PSMD14: variants seen among roughly 807,000 people sequenced by gnomAD.
The protein encoded by PSMD14 is proteasome 26S subunit, non-ATPase 14, also known as ubiquitin C-terminal hydrolase PSMD14.
A neutral mutation model predicts 41.2 loss-of-function variants in PSMD14; 7 were observed. The ratio of observed to expected loss-of-function variants is 0.17; its 90% CI spans 0.10 to 0.32. PSMD14 has a LOEUF of 0.32. PSMD14 is among the 10% of genes least tolerant of loss of function. The pLI, the probability that PSMD14 is intolerant of heterozygous loss-of-function variation, is 1.00. For synonymous variants in PSMD14, 114 were observed against 122.3 expected (o/e 0.93, Z 0.45); for missense variants, 139 against 375.6 (o/e 0.37, Z 5.21).
At chr2:161,409,267 A>G (rs1160648134) in intron 11 of PSMD14, among the ~76,000 whole-genome samples, 6 of 152,092 alleles carry the variant, frequency 3.9e-5, no homozygotes, top group Non-Finnish European at 8.8e-5. Flanking sequence ...ATCAATATGT[A>G]GGTAATATTC....
At chr2:161,371,092 C>A in intron 6 of PSMD14, 80 bp from the exon 7 acceptor site, 2 of 1,445,650 alleles carry the variant, frequency 1.4e-6, no homozygotes, top group East Asian at 2.3e-5. Context: ...ATTTATACCC[C>A]GTTAGTGTGT....
chr2:161,380,249 C>T (rs1245872402), intron 7 of PSMD14, among the ~76,000 whole-genome samples: 2 of 151,906 alleles, frequency 1.3e-5, no homozygotes, highest in Admixed American at 6.6e-5. Context: ...CTCCAGAGTG[C>T]CTCAAGCATT....
At chr2:161,395,393 A>G (rs1034565582) in intron 10 of PSMD14, among the ~76,000 whole-genome samples, 190 bp downstream of exon 10, 5 of 152,168 alleles carry the variant, frequency 3.3e-5, no homozygotes, top group African/African-American at 1.2e-4. Context: ...GCCATACACA[A>G]TATGTAAAAG....
At chr2:161,371,087 T>C in intron 6 of PSMD14, 85 bp from the exon 7 acceptor site, 1 of 1,407,680 alleles carries the variant, frequency 7.1e-7, no homozygotes, top group East Asian at 2.4e-5. Flanking sequence ...TCTTAATTTA[T>C]ACCCCGTTAG....
intron 3 of PSMD14, among the ~76,000 whole-genome samples, chr2:161,339,739 T>A (rs1682923341): frequency 6.6e-6 from 1 of 152,280 alleles, no homozygotes; most frequent in South Asian, 2.1e-4. Context: ...TGGCTCTGTG[T>A]TGAAGGCAAT....
chr2:161,310,105 C>G (rs1047755252), intron 1 of PSMD14, among the ~76,000 whole-genome samples: 1 of 152,106 alleles, frequency 6.6e-6, no homozygotes, highest in Non-Finnish European at 1.5e-5. Flanking sequence ...GAGCCAAGAT[C>G]GCGCAACTGC....
chr2:161,385,792 A>G (rs901450124), intron 8 of PSMD14, among the ~76,000 whole-genome samples: 3 of 151,370 alleles, frequency 2.0e-5, no homozygotes, highest in Non-Finnish European at 3.0e-5. Context: ...ATATTTGAGG[A>G]CCCCCTTTTT....
intron 3 of PSMD14, among the ~76,000 whole-genome samples, chr2:161,344,266 A>G (rs1297999589): frequency 1.3e-5 from 2 of 152,214 alleles, no homozygotes; most frequent in Non-Finnish European, 2.9e-5. Context: ...AGTGGCTTAA[A>G]TAACAGATAT....
At chr2:161,383,845 CTTATT>C (rs1408567392) in intron 7 of PSMD14, 4 of 151,514 alleles carry the variant, frequency 2.6e-5, no homozygotes, top group Non-Finnish European at 5.9e-5. Flanking sequence ...TTAACTTTAT[CTTATT>C]TTATGTTCTT....
chr2:161,370,281 T>G, intron 6 of PSMD14, 104 bp downstream of exon 6: 1 of 881,254 alleles, frequency 1.1e-6, no homozygotes, highest in Non-Finnish European at 1.7e-6. Flanking sequence ...AAAAAGTGGT[T>G]ATGTAATTGA....
At chr2:161,396,399 T>C (rs1260950021) in intron 10 of PSMD14, among the ~76,000 whole-genome samples, 1 of 151,848 alleles carries the variant, frequency 6.6e-6, no homozygotes, top group Non-Finnish European at 1.5e-5. Context: ...AACAGACAGA[T>C]AAAGAAAATG....
intron 8 of PSMD14, among the ~76,000 whole-genome samples, chr2:161,389,912 T>TTTTTTTTTTTTTTTTTTTTTTTTTTTA (rs1299369817): frequency 7.7e-6 from 1 of 130,246 alleles, no homozygotes; most frequent in African/African-American, 3.3e-5. Context: ...TTTTTTTTTT[T>TTTTTTTTTTTTTTTTTTTTTTTTTTTA]AGAGATGGGG....
intron 3 of PSMD14, among the ~76,000 whole-genome samples, chr2:161,351,433 C>T (rs1683116167): frequency 6.6e-6 from 1 of 152,108 alleles, no homozygotes; most frequent in Non-Finnish European, 1.5e-5. Context: ...CTCAAAGTAG[C>T]CATATTATAC....
At chr2:161,395,498 A>G (rs1176394449) in intron 10 of PSMD14, among the ~76,000 whole-genome samples, 1 of 152,200 alleles carries the variant, frequency 6.6e-6, no homozygotes, top group Non-Finnish European at 1.5e-5. Context: ...CATGTAATAC[A>G]GTTGCACATT....
chr2:161,322,130 C>T (rs1302722588), intron 3 of PSMD14, among the ~76,000 whole-genome samples: 1 of 152,136 alleles, frequency 6.6e-6, no homozygotes, highest in South Asian at 2.1e-4. Context: ...AAAGAAACTC[C>T]AAGGGTTTTT....
At position 161,359,163 on chromosome 2, in the gene PSMD14, G is replaced by A. The variant is rs147919699; in HGVS notation, c.49-8315G>A. Reference sequence around the variant, plus strand: ...TTTAAAAAAAAATTTGTGGAGATGCGGTCTTACTATGTTGCCCAGGGTGGT... The same window carrying A: ...TTTAAAAAAAAATTTGTGGAGATGCAGTCTTACTATGTTGCCCAGGGTGGT... On this transcript the variant is annotated intron_variant, in intron 3 of 11. Transcript: ENST00000409682. Among the ~76,000 whole-genome samples, 762 of 152,100 alleles carry A rather than the reference G, an allele frequency of 5.0e-3. 4 individuals are homozygous for A. Among genetic ancestry groups the A allele is most frequent in the Non-Finnish European group, 8.1e-3 (549 of 67,994 alleles).
chr2:161,389,889 GTTTT>G lies in PSMD14; in HGVS notation c.571-1195_571-1192del, dbSNP rs1162637393. On this transcript the variant is annotated intron_variant, in intron 8 of 11. Transcript: ENST00000409682. ...TGTCTTATTTTCTTTCTTTTTTGTT[GTTTT>G]TTTTTTTTTTTTTTTTTTTAGAGAT... Among the ~76,000 whole-genome samples, 26 of 20,042 alleles carry G rather than the reference GTTTT, an allele frequency of 1.3e-3. 2 individuals are homozygous for G. The highest frequency in any genetic ancestry group is 3.4e-3 in the African/African-American group (22 of 6,548). The allele number at this position is 20,042 out of a possible 152,430, so 13.1% of individuals were successfully genotyped here.
At chr2:161,406,674 C>T (rs1368071186) in intron 10 of PSMD14, among the ~76,000 whole-genome samples, 1 of 152,088 alleles carries the variant, frequency 6.6e-6, no homozygotes, top group African/African-American at 2.4e-5. Flanking sequence ...ACTCTTTTGT[C>T]ATGGGGGTTT....
intron 1 of PSMD14, among the ~76,000 whole-genome samples, chr2:161,312,490 T>G (rs1689101723): frequency 1.3e-5 from 2 of 152,188 alleles, no homozygotes; most frequent in African/African-American, 4.8e-5. Flanking sequence ...TCTAGCAATA[T>G]CAGGTTCTAA....
Sources: allele counts gnomAD v4.1 joint callset (sites outside exome capture counted in the v4.1 genomes callset), GRCh38; gene constraint gnomAD v4.1.1; transcripts MANE v1.5; gene names NCBI Gene and HGNC (gene_info 2026-07-23, HGNC 2026-07-21).